CCDC146: variants seen among roughly 807,000 people sequenced by gnomAD.
The protein encoded by CCDC146 is coiled-coil domain-containing protein 146.
A neutral mutation model predicts 119.3 loss-of-function variants in CCDC146; 92 were observed. That is an observed-to-expected ratio of 0.77 (90% CI 0.65 to 0.92). The LOEUF (loss-of-function observed/expected upper bound fraction) is 0.92. CCDC146 is among the 40% of genes least tolerant of loss of function. The pLI is 0.00. For missense variants in CCDC146, 1,000 were observed against 1,103.0 expected, an observed-to-expected ratio of 0.91 and a Z score of 1.32; for synonymous variants, 372 against 371.8, an observed-to-expected ratio of 1.00 and a Z score of -0.01.
chr7:77,268,329 C>T (rs1377192999), intron 9 of CCDC146, among the ~76,000 whole-genome samples: 2 of 152,126 alleles, frequency 1.3e-5, no homozygotes, highest in Non-Finnish European at 2.9e-5. Flanking sequence ...TACAGAGGGG[C>T]TTTGTCTGAA....
intron 2 of CCDC146, chr7:77,199,425 T>C: frequency 6.2e-7 from 1 of 1,614,144 alleles, no homozygotes; most frequent in Non-Finnish European, 8.5e-7. Context: ...CACCAACCTC[T>C]CCCGGGGCTC....
At position 77,294,831 on chromosome 7, in the gene CCDC146, A is replaced by G. The variant is rs752242505; in HGVS notation, c.2833A>G (p.Ile945Val). Residue 945 changes from isoleucine (I) to valine (V), a missense_variant, in exon 19 of 19, where the codon ATA becomes GTA. Around this residue, in one of 2 missense-constraint regions of CCDC146, gnomAD observed 985 missense variants for 1,045.3 expected, o/e 0.94. Coordinates refer to ENST00000285871, the MANE Select transcript of CCDC146 (RefSeq NM_020879.3). ...TGAACCTGGAGCCAATATGAGGCAC[A>G]TAAGGAAACCTGTTATAAAGCCAGT... ...PSEPGANMRH[I>V]RKPVIKPVEI 3 of 1,614,190 alleles carry G rather than the reference A, an allele frequency of 1.9e-6. No homozygotes were observed. The highest frequency in any genetic ancestry group is 2.5e-6 in the Non-Finnish European group (3 of 1,180,028).
At chr7:77,174,939 A>G (rs1280910401) in intron 2 of CCDC146, among the ~76,000 whole-genome samples, 1 of 151,876 alleles carries the variant, frequency 6.6e-6, no homozygotes, top group Non-Finnish European at 1.5e-5. Context: ...AAGACCTTCA[A>G]TCAGTTTTCC....
At chr7:77,279,690 A>G (rs898930493) in intron 13 of CCDC146, among the ~76,000 whole-genome samples, 2 of 152,176 alleles carry the variant, frequency 1.3e-5, no homozygotes, top group Admixed American at 6.5e-5. Context: ...CTCTGAGCTC[A>G]CTTTCCTTAT....
Position 77,231,647 on chromosome 7 carries a change from A to G in CCDC146, c.157-5300A>G, listed in dbSNP as rs573219412. 8.5e-5 allele frequency among the ~76,000 whole-genome samples: 13 copies of G among 152,094 alleles called. 1 individual carries two copies. The East Asian group carries it at 2.5e-3, about 29-fold the overall frequency. On this transcript the variant is annotated intron_variant, in intron 2 of 18. Transcript: ENST00000285871. ...TAGGAATTTCAGTGTAGCTCCTTAA[A>G]AATTTCTTCTTACTGACAATCTCTA...
intron 2 of CCDC146, among the ~76,000 whole-genome samples, chr7:77,197,294 A>G (rs975497595): frequency 5.3e-5 from 8 of 152,226 alleles, no homozygotes; most frequent in African/African-American, 1.7e-4. Context: ...AGGCCTACCT[A>G]TACGTTCTAG....
intron 6 of CCDC146, 31 bp downstream of exon 6, chr7:77,256,540 T>C: frequency 6.4e-7 from 1 of 1,560,104 alleles, no homozygotes; most frequent in Non-Finnish European, 8.7e-7. Context: ...ATTTAAACAT[T>C]GTGCCTTGCA....
intron 2 of CCDC146, among the ~76,000 whole-genome samples, chr7:77,221,870 G>A (rs1259947426): frequency 6.6e-6 from 1 of 152,114 alleles, no homozygotes; most frequent in Admixed American, 6.6e-5. Flanking sequence ...CACCCAAAAC[G>A]AAACACTTGC....
At chr7:77,285,473 A>C (rs1176047146) in intron 15 of CCDC146, among the ~76,000 whole-genome samples, 1 of 152,206 alleles carries the variant, frequency 6.6e-6, no homozygotes, top group Non-Finnish European at 1.5e-5. Flanking sequence ...GAGGAGCATA[A>C]ATTAAATTTT....
chr7:77,144,399 A>G (rs1790983220), intron 1 of CCDC146, among the ~76,000 whole-genome samples: 1 of 151,452 alleles, frequency 6.6e-6, no homozygotes, highest in South Asian at 2.1e-4. Flanking sequence ...CTAATTGGAT[A>G]CTCTTTATTT....
intron 2 of CCDC146, among the ~76,000 whole-genome samples, chr7:77,183,289 T>C (rs143837099): frequency 4.8e-4 from 73 of 151,924 alleles, no homozygotes; most frequent in African/African-American, 1.7e-3. Flanking sequence ...GTCTGCAGAG[T>C]TTTTTCCACT....
intron 2 of CCDC146, among the ~76,000 whole-genome samples, chr7:77,228,009 C>T (rs1482756020): frequency 2.6e-5 from 4 of 152,208 alleles, no homozygotes; most frequent in African/African-American, 9.6e-5. Context: ...CAAGATGTCT[C>T]AGCTTCACTT....
chr7:77,293,721 G>T (rs958090588), intron 18 of CCDC146, among the ~76,000 whole-genome samples: 1 of 152,140 alleles, frequency 6.6e-6, no homozygotes, highest in Non-Finnish European at 1.5e-5. Context: ...TAGGTCTATT[G>T]CTGACTCCCC....
intron 1 of CCDC146, among the ~76,000 whole-genome samples, chr7:77,128,637 T>C (rs1790740989): frequency 6.6e-6 from 1 of 151,582 alleles, no homozygotes; most frequent in Admixed American, 6.6e-5. Context: ...GAAATCCCGA[T>C]TTTTTTCTTT....
intron 8 of CCDC146, 26 bp from the exon 9 acceptor site, chr7:77,262,095 T>C (rs1276733487): frequency 6.5e-7 from 1 of 1,533,192 alleles, no homozygotes; most frequent in South Asian, 1.3e-5. Context: ...AAAATCATTT[T>C]CTTCTTCTTC....
At position 77,241,624 on chromosome 7, in the gene CCDC146, C is replaced by A. The variant is rs147708355; in HGVS notation, c.240-67C>A. Reference sequence around the variant, plus strand: ...GTGGGGAGCAGCTATCCTCACTAGACCCCCACAGGAGCCACCGAGGATGTA... The same window carrying A: ...GTGGGGAGCAGCTATCCTCACTAGAACCCCACAGGAGCCACCGAGGATGTA... On this transcript the variant is annotated intron_variant, in intron 3 of 18. Transcript: ENST00000285871. 8.2e-3 allele frequency: 11,261 copies of A among 1,366,582 alleles called. 53 individuals are homozygous for A. The highest frequency in any genetic ancestry group is 0.014 in the Middle Eastern group (77 of 5,550). 84.7% of individuals were successfully genotyped at this position (1,366,582 alleles called of 1,614,324 possible).
Position 77,259,025 on chromosome 7 carries a change from G to A in CCDC146, c.715G>A (p.Val239Ile), listed in dbSNP as rs1329889960. The A allele has an allele frequency of 2.5e-6, 4 of 1,612,364 alleles. No individual in the cohort carries two copies. Among genetic ancestry groups the A allele is most frequent in the Non-Finnish European group, 3.4e-6 (4 of 1,178,792 alleles). The change falls in exon 7 of 19, where the codon GTA (valine) becomes ATA (isoleucine). Residue 239 changes from valine to isoleucine, a missense_variant. This residue lies in a region of CCDC146 where 985 missense variants were observed against 1,045.3 expected (regional missense o/e 0.94). Coordinates refer to ENST00000285871, the MANE Select transcript of CCDC146 (RefSeq NM_020879.3). ...AGTGGCCCACCATCAAACCATTCCA[G>A]TACAAATTGGAAAAGAGATAGAAAA... ...DEVAHHQTIP[V>I]QIGKEIEKIT...
chr7:77,278,982 A>C lies in CCDC146; in HGVS notation c.1575A>C (p.Arg525Ser), dbSNP rs1459382218. ...AKLYDTIRNE[R>S]NKFVNLLHKA... Reference sequence around the variant, plus strand: ...TGTATGACACCATTCGAAATGAAAGAAACAAATTTGTTAACTTACTCCACA... The same window carrying C: ...TGTATGACACCATTCGAAATGAAAGCAACAAATTTGTTAACTTACTCCACA... The change falls in exon 13 of 19, where the codon AGA (arginine) becomes AGC (serine). Residue 525 changes from arginine to serine, a missense_variant. Physicochemically the swap from Arg to Ser is moderately radical, Grantham distance 110. Transcript: ENST00000285871. 1 of 1,612,294 alleles carries C rather than the reference A, an allele frequency of 6.2e-7. No homozygotes were observed. The highest frequency in any genetic ancestry group is 1.3e-5 in the African/African-American group (1 of 74,790).
chr7:77,177,719 G>A (rs1791521059), intron 2 of CCDC146, among the ~76,000 whole-genome samples: 1 of 152,036 alleles, frequency 6.6e-6, no homozygotes, highest in African/African-American at 2.4e-5. Flanking sequence ...GTACTTATAG[G>A]CTGTGCTTTA....
Sources: allele counts gnomAD v4.1 joint callset (sites outside exome capture counted in the v4.1 genomes callset), GRCh38; gene constraint gnomAD v4.1.1; regional missense constraint gnomAD v4.1.1; transcripts MANE v1.5; gene names NCBI Gene and HGNC (gene_info 2026-07-23, HGNC 2026-07-21).